DBF4B: variants seen among roughly 807,000 people sequenced by gnomAD.
DBF4B encodes the protein DBF4B-CDC7 kinase regulatory subunit.
In DBF4B, 49 loss-of-function variants were observed where a neutral mutation model predicts 53.4. The ratio of observed to expected loss-of-function variants is 0.92; its 90% CI spans 0.73 to 1.16. The LOEUF (loss-of-function observed/expected upper bound fraction) is 1.16, where lower values mean the gene tolerates loss of function less well. Among genes scored for constraint, DBF4B ranks in the 50% most tolerant of loss-of-function variants. The probability of loss-of-function intolerance (pLI) is 0.00; values close to 1 mark genes in which losing one functional copy is unlikely to be tolerated. For synonymous variants in DBF4B, 257 were observed against 288.7 expected, an observed-to-expected ratio of 0.89 and a Z score of 1.11; for missense variants, 692 against 775.0, an observed-to-expected ratio of 0.89 and a Z score of 1.27.
intron 2 of DBF4B, among the ~76,000 whole-genome samples, chr17:44,719,393 G>A (rs1026160651): frequency 2.0e-5 from 3 of 151,916 alleles, no homozygotes; most frequent in Non-Finnish European, 4.4e-5. Flanking sequence ...AATCAATTTA[G>A]AGCACTTTTC....
chr17:44,717,368 A>T (rs1019561374), intron 2 of DBF4B, among the ~76,000 whole-genome samples: 2 of 152,162 alleles, frequency 1.3e-5, no homozygotes, highest in African/African-American at 4.8e-5. Flanking sequence ...CCTACTCTTT[A>T]CCCAGCTTCC....
Position 44,731,019 on chromosome 17 carries a change from AG to A in DBF4B, c.468+5del, listed in dbSNP as rs1974787266. ...GCAGAAGGCTATCAGAAACCAGGTG[AG>A]CTGGGGCAAGATGGGACAGAGCCGG... On this transcript the variant is annotated splice_donor_5th_base_variant and intron_variant, in intron 5 of 13. Coordinates refer to ENST00000315005, the MANE Select transcript of DBF4B (RefSeq NM_145663.3). The A allele has an allele frequency of 6.2e-7, 1 of 1,613,896 alleles. No homozygotes were observed. Among genetic ancestry groups the A allele is most frequent in the African/African-American group, 1.3e-5 (1 of 74,922 alleles).
chr17:44,750,544 C>A, intron 13 of DBF4B, 51 bp from the exon 14 acceptor site: 1 of 1,526,308 alleles, frequency 6.6e-7, no homozygotes, highest in South Asian at 1.3e-5. Flanking sequence ...TTACAAATAG[C>A]AAAGAGATGG....
chr17:44,734,361 C>T (rs377512575), intron 7 of DBF4B, among the ~76,000 whole-genome samples, 198 bp downstream of exon 7: 1 of 152,240 alleles, frequency 6.6e-6, no homozygotes, highest in African/African-American at 2.4e-5. Flanking sequence ...CTCTGTGGCA[C>T]TTGCAGTCCT....
At chr17:44,730,143 A>G in intron 4 of DBF4B, 47 bp downstream of exon 4, 1 of 1,582,904 alleles carries the variant, frequency 6.3e-7, no homozygotes, top group South Asian at 1.1e-5. Flanking sequence ...CAAAGGAAGT[A>G]GGCTTTGGTG....
chr17:44,751,169 A>T lies in DBF4B; in HGVS notation c.1764A>T (p.Gly588=), dbSNP rs769965987. The change falls in exon 14 of 14, where the codon GGA becomes GGT. Residue 588 remains glycine (G), a synonymous_variant. Transcript: ENST00000315005. ...FPSYLNDHDL[G]HLCQAKPQGW... The stretch of plus-strand genomic sequence containing the variant: ...CCTATCTCAATGATCATGACCTTGG[A>T]CATCTCTGCCAGGCCAAACCCCAAG... 1 of 1,613,990 alleles carries T rather than the reference A, an allele frequency of 6.2e-7. No individual in the cohort carries two copies. The highest frequency in any genetic ancestry group is 1.1e-5 in the South Asian group (1 of 91,068).
intron 10 of DBF4B, 50 bp from the exon 11 acceptor site, chr17:44,747,033 C>A (rs771932133): frequency 2.2e-5 from 34 of 1,562,918 alleles, no homozygotes; most frequent in Middle Eastern, 1.7e-4. Context: ...GGCTCCTCCC[C>A]CCAAGGGCCC....
chr17:44,725,681 C>CTTTT (rs1568172432), intron 3 of DBF4B, among the ~76,000 whole-genome samples: 3 of 79,092 alleles, frequency 3.8e-5, no homozygotes, highest in African/African-American at 1.5e-4. Context: ...TTTTTTTGTG[C>CTTTT]TTCTTTTTTT....
Position 44,725,104 on chromosome 17 carries a change from A to G in DBF4B, c.225+2082A>G, listed in dbSNP as rs148432814. Among the ~76,000 whole-genome samples, 775 of 149,086 alleles carry G rather than the reference A, an allele frequency of 5.2e-3. 8 individuals are homozygous for G. The highest frequency in any genetic ancestry group is 0.019 in the African/African-American group (748 of 40,216). On this transcript the variant is annotated intron_variant, in intron 3 of 13. Transcript: ENST00000315005. The stretch of plus-strand genomic sequence containing the variant: ...GCACTCCAGCCTGGGCAACAAGAGC[A>G]AGACTCCATCTCAAAAAAAAAAAAA...
Position 44,747,494 on chromosome 17 carries a change from C to G in DBF4B, c.1043C>G (p.Pro348Arg). The change falls in exon 12 of 14, where the codon CCT becomes CGT. Residue 348 changes from proline (P) to arginine (R), a missense_variant. Pro to Arg is a moderately radical substitution (Grantham distance 103, BLOSUM62 -2). This residue lies in a region of DBF4B where 597 missense variants were observed against 665.8 expected (regional missense o/e 0.90). Transcript: ENST00000315005. ...AQLSHSFADI[P>R]FQAGLPRWSG... Reference sequence around the variant, plus strand: ...CTCAGCCACAGCTTTGCAGACATCCCTTTCCAGGCTGGCCTCCCCAGGTGA... The same window carrying G: ...CTCAGCCACAGCTTTGCAGACATCCGTTTCCAGGCTGGCCTCCCCAGGTGA... 6.2e-7 allele frequency: 1 copy of G among 1,614,036 alleles called. No homozygotes were observed. The highest frequency in any genetic ancestry group is 8.5e-7 in the Non-Finnish European group (1 of 1,180,040).
At chr17:44,734,206 A>G (rs1975128290) in intron 7 of DBF4B, 43 bp downstream of exon 7, 1 of 1,613,500 alleles carries the variant, frequency 6.2e-7, no homozygotes, top group Admixed American at 1.7e-5. Context: ...GATGGTTTTC[A>G]ATGAAATCAG....
rs1567681436 is a variant in DBF4B, at chr17:44,750,971, TC to T, written c.1570del (p.His524MetfsTer89). The T allele has an allele frequency of 6.2e-7, 1 of 1,614,066 alleles. No individual in the cohort carries two copies. Among genetic ancestry groups the T allele is most frequent in the Non-Finnish European group, 8.5e-7 (1 of 1,180,014 alleles). On this transcript the variant is annotated frameshift_variant, in exon 14 of 14. Coordinates refer to ENST00000315005, the MANE Select transcript of DBF4B (RefSeq NM_145663.3). LOFTEE classifies it low-confidence loss of function (END_TRUNC). ...FPFVTWGCLI[P>X]HDTTPLHEEV... ...CTTTTGTGACATGGGGTTGCCTCAT[TC>T]CCCATGACACCACCCCTCTGCATGA...
intron 2 of DBF4B, among the ~76,000 whole-genome samples, chr17:44,721,238 C>T (rs1222277225): frequency 7.9e-6 from 1 of 126,048 alleles, no homozygotes; most frequent in Non-Finnish European, 1.6e-5. Context: ...CCCTTTTTTG[C>T]GACAGAATCT....
chr17:44,742,926 CAG>C (rs1043943373), intron 10 of DBF4B, among the ~76,000 whole-genome samples: 1 of 152,160 alleles, frequency 6.6e-6, no homozygotes, highest in African/African-American at 2.4e-5. Flanking sequence ...GAGAACAGAG[CAG>C]ACTCTCAGCC....
At position 44,709,074 on chromosome 17, in the gene DBF4B, G is replaced by C. The variant is rs925542152; in HGVS notation, c.20-230G>C. On this transcript the variant is annotated intron_variant, in intron 1 of 13. Coordinates refer to ENST00000315005, the MANE Select transcript of DBF4B (RefSeq NM_145663.3). ...TGTATGGAGATTGAGATGGACAGGAGGTGGCCAAGAGGTCACGGCCGTTGA... is the reference window on the plus strand; with the variant it reads ...TGTATGGAGATTGAGATGGACAGGACGTGGCCAAGAGGTCACGGCCGTTGA... 6.4e-6 allele frequency: 5 copies of C among 780,338 alleles called. No individual in the cohort carries two copies. The African/African-American group carries it at 6.9e-5, about 11-fold the overall frequency. The allele number at this position is 780,338 out of a possible 1,614,324, so 48.3% of individuals were successfully genotyped here. A position where few individuals can be genotyped will look rare whatever the true frequency, so the allele number is the denominator to read the frequency against.
intron 2 of DBF4B, among the ~76,000 whole-genome samples, chr17:44,713,556 A>C (rs567069946): frequency 6.6e-6 from 1 of 152,018 alleles, no homozygotes; most frequent in African/African-American, 2.4e-5. Flanking sequence ...AGACTGAGGC[A>C]GGAGAATCAC....
At chr17:44,732,293 G>A (rs1306837683) in intron 6 of DBF4B, 28 bp downstream of exon 6, 3 of 1,611,690 alleles carry the variant, frequency 1.9e-6, no homozygotes, top group Non-Finnish European at 2.5e-6. Context: ...GGCTCCTGTG[G>A]AGGGAGAATT....
At position 44,749,029 on chromosome 17, in the gene DBF4B, G is replaced by A; in HGVS notation, c.1189+564G>A. 7.8e-7 allele frequency: 1 copy of A among 1,289,832 alleles called. No individual in the cohort carries two copies. The highest frequency in any genetic ancestry group is 1.0e-6 in the Non-Finnish European group (1 of 988,858). 79.9% of individuals were successfully genotyped at this position (1,289,832 alleles called of 1,614,324 possible). A position where few individuals can be genotyped will look rare whatever the true frequency, so the allele number is the denominator to read the frequency against. On this transcript the variant is annotated intron_variant, in intron 13 of 13. Coordinates refer to ENST00000315005, the MANE Select transcript of DBF4B (RefSeq NM_145663.3). The surrounding 1 kb of genome is among the most constrained non-coding windows in gnomAD (Gnocchi z 4.4). ...TGAGGATTCTGAGTGTACAGCCACT[G>A]GCCCTGTATCCCAGGAGGCTGGCCA...
At chr17:44,729,333 C>T (rs186439046) in intron 3 of DBF4B, among the ~76,000 whole-genome samples, 2 of 149,862 alleles carry the variant, frequency 1.3e-5, no homozygotes, top group East Asian at 3.9e-4. Context: ...TCCCAAGTAG[C>T]TAGGACTATA....
Sources: gnomAD v4.1 joint callset for allele counts (sites outside exome capture counted in the v4.1 genomes callset) on GRCh38, gnomAD v4.1.1 for gene constraint, gnomAD v4.1.1 regional missense constraint, Gnocchi (gnomAD v3.1) non-coding constraint, MANE v1.5 for transcripts, NCBI Gene and HGNC (gene_info 2026-07-23, HGNC 2026-07-21) for gene names.